The following KLHL1 variants were observed in gnomAD, a reference collection of about 807,000 sequenced individuals.
The protein encoded by KLHL1 is kelch like family member 1, also known as kelch-like protein 1.
Under a neutral mutation model 77.7 loss-of-function variants are expected in KLHL1, and 47 were observed. The ratio of observed to expected loss-of-function variants is 0.60; its 90% CI spans 0.48 to 0.77. The LOEUF is 0.77. KLHL1 is among the 30% of genes least tolerant of loss of function. The pLI is 0.00. For missense variants in KLHL1, 925 were observed against 910.8 expected (o/e 1.02, Z -0.20); for synonymous variants, 360 against 325.2 (o/e 1.11, Z -1.15).
intron 4 of KLHL1, among the ~76,000 whole-genome samples, chr13:69,918,162 A>T (rs1399393432): frequency 6.6e-6 from 1 of 152,054 alleles, no homozygotes; most frequent in East Asian, 1.9e-4. Flanking sequence ...TTGTGGTTTC[A>T]TGATTGTTTA....
chr13:70,067,472 T>C (rs1200501098), intron 1 of KLHL1, among the ~76,000 whole-genome samples: 1 of 152,088 alleles, frequency 6.6e-6, no homozygotes, highest in East Asian at 1.9e-4. Flanking sequence ...TTGGACCTTG[T>C]ATGGGGAAAG....
intron 3 of KLHL1, among the ~76,000 whole-genome samples, chr13:69,944,219 T>G (rs541861367): frequency 2.0e-5 from 3 of 152,170 alleles, no homozygotes; most frequent in Non-Finnish European, 4.4e-5. Flanking sequence ...CTGTGTTAGA[T>G]GCAGGCCTAT....
chr13:70,036,799 T>C lies in KLHL1; in HGVS notation c.498-60997A>G, dbSNP rs567161451. ...TCTTGTTTCCTTTTACGTTTTTCTT[T>C]CTAGCCCAACTTGGGTTTGATTTTA... On this transcript the variant is annotated intron_variant, in intron 1 of 10. Transcript: ENST00000377844. Among the ~76,000 whole-genome samples the C allele has an allele frequency of 7.0e-4, 106 of 151,552 alleles. 2 individuals are homozygous for C. The South Asian group carries it at 0.021, about 30-fold the overall frequency.
At chr13:69,846,909 CT>C (rs1879485818) in intron 5 of KLHL1, among the ~76,000 whole-genome samples, 1 of 151,292 alleles carries the variant, frequency 6.6e-6, no homozygotes, top group Non-Finnish European at 1.5e-5. Context: ...GAAAGTATTG[CT>C]TTATAAAAAT....
chr13:69,862,838 A>T (rs991455379), intron 5 of KLHL1, among the ~76,000 whole-genome samples: 1 of 152,110 alleles, frequency 6.6e-6, no homozygotes, highest in Non-Finnish European at 1.5e-5. Flanking sequence ...CTCACCAGCA[A>T]CTAAATTTGC....
intron 4 of KLHL1, among the ~76,000 whole-genome samples, chr13:69,914,260 A>T (rs964952509): frequency 2.0e-5 from 3 of 152,190 alleles, no homozygotes; most frequent in Admixed American, 1.3e-4. Context: ...TGAGACGCAG[A>T]GCACACATCT....
chr13:69,961,401 T>C lies in KLHL1; in HGVS notation c.724A>G (p.Thr242Ala), dbSNP rs767275760. Residue 242 changes from threonine to alanine, a missense_variant, in exon 3 of 11, where the codon ACA becomes GCA. Physicochemically the swap from Thr to Ala is moderately conservative, Grantham distance 58 (BLOSUM62 0). Coordinates refer to ENST00000377844, the MANE Select transcript of KLHL1 (RefSeq NM_020866.3). ...TGCTTGGCTTCACAAACATCACTTGTAAACATGGCCGCAAAATAGTCGGAG... is the reference window on the plus strand; with the variant it reads ...TGCTTGGCTTCACAAACATCACTTGCAAACATGGCCGCAAAATAGTCGGAG... ...SVSDYFAAMF[T>A]SDVCEAKQEE... 5.0e-6 allele frequency: 8 copies of C among 1,613,024 alleles called. No individual in the cohort carries two copies. The highest frequency in any genetic ancestry group is 3.3e-5 in the Admixed American group (2 of 59,864).
At chr13:69,892,462 C>T (rs1881457885) in intron 4 of KLHL1, among the ~76,000 whole-genome samples, 1 of 152,170 alleles carries the variant, frequency 6.6e-6, no homozygotes, top group Non-Finnish European at 1.5e-5. Flanking sequence ...GATAGCCTCT[C>T]TGCTTTTCCT....
intron 8 of KLHL1, among the ~76,000 whole-genome samples, chr13:69,735,186 A>C (rs752974147): frequency 9.2e-5 from 14 of 151,856 alleles, no homozygotes; most frequent in Non-Finnish European, 1.9e-4. Context: ...AATTTTAGAA[A>C]ATAAAATTTC....
At chr13:70,053,887 G>A (rs549252760) in intron 1 of KLHL1, among the ~76,000 whole-genome samples, 1 of 152,170 alleles carries the variant, frequency 6.6e-6, no homozygotes, top group Admixed American at 6.5e-5. Flanking sequence ...CTGTCCAATA[G>A]GGAATGCGTC....
intron 1 of KLHL1, among the ~76,000 whole-genome samples, chr13:70,027,288 G>A (rs1278266152): frequency 6.6e-6 from 1 of 152,038 alleles, no homozygotes; most frequent in Non-Finnish European, 1.5e-5. Context: ...AAAGTAAGAA[G>A]CCACGGAGAT....
chr13:70,010,572 G>GA (rs942960350), intron 1 of KLHL1, among the ~76,000 whole-genome samples: 10 of 152,134 alleles, frequency 6.6e-5, no homozygotes, highest in African/African-American at 1.9e-4. Flanking sequence ...CAGAGATGGA[G>GA]AAAAAATAGG....
intron 6 of KLHL1, among the ~76,000 whole-genome samples, chr13:69,815,342 G>A (rs1232662940): frequency 6.6e-6 from 1 of 152,150 alleles, no homozygotes; most frequent in Non-Finnish European, 1.5e-5. Context: ...AGAAAATGTG[G>A]TACATATACA....
chr13:69,970,746 A>C (rs1884359780), intron 2 of KLHL1, among the ~76,000 whole-genome samples: 1 of 152,122 alleles, frequency 6.6e-6, no homozygotes, highest in African/African-American at 2.4e-5. Flanking sequence ...GGAGAGATAA[A>C]GAGGAAGCAA....
intron 2 of KLHL1, among the ~76,000 whole-genome samples, chr13:69,969,770 G>T (rs1268644155): frequency 6.6e-6 from 1 of 151,594 alleles, no homozygotes; most frequent in Non-Finnish European, 1.5e-5. Context: ...TTTTAGAAGA[G>T]GGATTTAATG....
intron 1 of KLHL1, among the ~76,000 whole-genome samples, chr13:70,072,052 A>C (rs1887149366): frequency 6.6e-6 from 1 of 152,098 alleles, no homozygotes; most frequent in South Asian, 2.1e-4. Context: ...ATAAAGTCCT[A>C]CTCAGACTAA....
In KLHL1 at chr13:69,871,742, T is replaced by C. The variant is rs976360826; in HGVS notation, c.1227+10541A>G. Among the ~76,000 whole-genome samples, 14 of 151,160 alleles carry C rather than the reference T, an allele frequency of 9.3e-5. 1 individual carries two copies. Among genetic ancestry groups the C allele is most frequent in the Admixed American group, 2.0e-4 (3 of 15,084 alleles). On this transcript the variant is annotated intron_variant, in intron 5 of 10. Transcript: ENST00000377844. ...TTCGGCCAACTTTTTTTTTTTTTTT[T>C]CCTGTGGTGGAACAAGGGTGACCTT...
At chr13:70,022,299 GTGTGTA>G (rs1885823091) in intron 1 of KLHL1, among the ~76,000 whole-genome samples, 1 of 91,352 alleles carries the variant, frequency 1.1e-5, no homozygotes, top group African/African-American at 5.7e-5. Context: ...GTGTGTGTGT[GTGTGTA>G]TGTGTTTGGT....
chr13:69,813,483 C>T (rs955517187), intron 6 of KLHL1, among the ~76,000 whole-genome samples: 3 of 145,380 alleles, frequency 2.1e-5, no homozygotes, highest in African/African-American at 5.0e-5. Flanking sequence ...CACACACATA[C>T]ACACACACAC....
Sources: allele counts gnomAD v4.1 joint callset (sites outside exome capture counted in the v4.1 genomes callset), GRCh38; gene constraint gnomAD v4.1.1; transcripts MANE v1.5; gene names NCBI Gene and HGNC (gene_info 2026-07-23, HGNC 2026-07-21).